The following SVOPL variants were observed in gnomAD, a reference collection of about 807,000 sequenced individuals.
The protein encoded by SVOPL is SVOP like.
In SVOPL, 60 loss-of-function variants were observed where a neutral mutation model predicts 61.0. That is an observed-to-expected ratio of 0.98 (90% confidence interval 0.80 to 1.22). SVOPL has a LOEUF of 1.22. Among genes scored for constraint, SVOPL ranks in the 50% most tolerant of loss-of-function variants. The pLI is 0.00. For synonymous variants in SVOPL, 279 were observed against 250.0 expected, an observed-to-expected ratio of 1.12 and a Z score of -1.09; for missense variants, 662 against 643.9, an observed-to-expected ratio of 1.03 and a Z score of -0.30.
chr7:138,670,089 T>C (rs1354785636), intron 4 of SVOPL, among the ~76,000 whole-genome samples: 1 of 152,188 alleles, frequency 6.6e-6, no homozygotes, highest in Non-Finnish European at 1.5e-5. Flanking sequence ...GCAAAAATTA[T>C]AATAGAAAAA....
At chr7:138,693,564 AGAAAGAAAGAAAAAAG>A (rs1563140855) in intron 1 of SVOPL, among the ~76,000 whole-genome samples, 11 of 91,358 alleles carry the variant, frequency 1.2e-4, no homozygotes, top group African/African-American at 3.0e-4. Flanking sequence ...AAAGAAAGAA[AGAAAGAAAGAAAAAAG>A]GAAAGAAAGA....
intron 6 of SVOPL, among the ~76,000 whole-genome samples, chr7:138,658,603 C>T (rs934480152): frequency 3.3e-5 from 5 of 152,090 alleles, no homozygotes; most frequent in African/African-American, 1.2e-4. Flanking sequence ...TGTTACCTGA[C>T]ACTTGTTAGT....
chr7:138,641,713 T>C (rs1426361676), intron 9 of SVOPL, among the ~76,000 whole-genome samples: 14 of 145,196 alleles, frequency 9.6e-5, no homozygotes, highest in African/African-American at 3.3e-4. Context: ...TTATGAAATA[T>C]ACCCTATTAG....
At chr7:138,642,947 C>T (rs1174424804) in intron 9 of SVOPL, among the ~76,000 whole-genome samples, 8 of 151,646 alleles carry the variant, frequency 5.3e-5, no homozygotes, top group African/African-American at 1.5e-4. Context: ...TAAATTGAAT[C>T]GTAGTTTTTT....
chr7:138,620,386 G>T (rs2116868146), intron 14 of SVOPL, among the ~76,000 whole-genome samples: 1 of 142,708 alleles, frequency 7.0e-6, no homozygotes, highest in East Asian at 2.0e-4. Flanking sequence ...CTCCCAAAGT[G>T]CTGAGATTAT....
chr7:138,622,022 C>G (rs200587191), intron 13 of SVOPL, among the ~76,000 whole-genome samples: 566 of 21,252 alleles, frequency 0.027, 14 homozygotes, highest in Middle Eastern at 0.05. Flanking sequence ...ATCTATGTAT[C>G]TATCTATCTA....
intron 1 of SVOPL, among the ~76,000 whole-genome samples, chr7:138,694,006 T>C (rs79861284): frequency 0.032 from 4,921 of 152,240 alleles, 263 homozygotes; most frequent in African/African-American, 0.11. Flanking sequence ...TAAAGGGAGT[T>C]ATAATTCTTC....
chr7:138,631,404 T>C (rs1332654556), intron 9 of SVOPL, among the ~76,000 whole-genome samples: 1 of 152,142 alleles, frequency 6.6e-6, no homozygotes, highest in African/African-American at 2.4e-5. Context: ...AGCCACTGTT[T>C]TGCTATCAAA....
chr7:138,678,356 T>C, intron 3 of SVOPL, 78 bp downstream of exon 3: 1 of 1,461,446 alleles, frequency 6.8e-7, no homozygotes, highest in Non-Finnish European at 9.2e-7. Context: ...TGGTCACTCA[T>C]ATTTGGCTCA....
At chr7:138,628,128 G>A in intron 11 of SVOPL, 30 bp downstream of exon 11, 1 of 1,613,430 alleles carries the variant, frequency 6.2e-7, no homozygotes, top group Non-Finnish European at 8.5e-7. Context: ...ACCCAAGACA[G>A]AGAGACCCAA....
intron 14 of SVOPL, among the ~76,000 whole-genome samples, chr7:138,602,669 A>G (rs1478816214): frequency 6.6e-6 from 1 of 151,652 alleles, no homozygotes; most frequent in Non-Finnish European, 1.5e-5. Flanking sequence ...CTTTGGTGCC[A>G]GCAGGAGGCT....
rs1799395450 is a variant in SVOPL, at chr7:138,618,400, C to CCTA, written c.1353+2645_1353+2646insTAG. On this transcript the variant is annotated intron_variant, in intron 14 of 15. Transcript: ENST00000674285. The stretch of plus-strand genomic sequence containing the variant: ...AGCAGGCTGGGCACGGTGGCTCACA[C>CCTA]CTGTAATCCCAGCACTTTGGGAGGC... Among the ~76,000 whole-genome samples, 5 of 152,094 alleles carry CCTA rather than the reference C, an allele frequency of 3.3e-5. No homozygotes were observed. In the South Asian group the frequency reaches 1.0e-3, roughly 32 times the overall value.
intron 14 of SVOPL, among the ~76,000 whole-genome samples, chr7:138,615,342 A>T (rs1799243235): frequency 6.6e-6 from 1 of 152,090 alleles, no homozygotes; most frequent in African/African-American, 2.4e-5. Context: ...CAGATCACGA[A>T]GTCAGGAGAT....
chr7:138,641,705 A>G lies in SVOPL; in HGVS notation c.789+3012T>C, dbSNP rs571677086. Reference sequence around the variant, plus strand: ...AAAAAAAAAGATAACCTCAAAATTTATGAAATATACCCTATTAGGCCTATA... The same window carrying G: ...AAAAAAAAAGATAACCTCAAAATTTGTGAAATATACCCTATTAGGCCTATA... On this transcript the variant is annotated intron_variant, in intron 9 of 15. Transcript: ENST00000674285. Among the ~76,000 whole-genome samples the G allele has an allele frequency of 4.5e-4, 67 of 147,506 alleles. No homozygotes were observed. The South Asian group carries it at 5.1e-3, about 11-fold the overall frequency.
chr7:138,676,899 CTT>C (rs1191279496), intron 3 of SVOPL, among the ~76,000 whole-genome samples: 1,687 of 112,864 alleles, frequency 0.015, 43 homozygotes, highest in African/African-American at 0.06. Context: ...CTTGGGGTTC[CTT>C]TTTTTTTTTT....
chr7:138,626,923 T>C lies in SVOPL; in HGVS notation c.1181+427A>G, dbSNP rs764825380. ...TAGTGCAGAGAGCTTGTAGAACAAA[T>C]GATACATATCAGAGCTCAGGCCACT... On this transcript the variant is annotated intron_variant, in intron 12 of 15. Coordinates refer to ENST00000674285, the MANE Select transcript of SVOPL (RefSeq NM_001139456.2). 2.6e-5 allele frequency among the ~76,000 whole-genome samples: 4 copies of C among 151,878 alleles called. 1 individual carries two copies. The South Asian group carries it at 6.2e-4, about 24-fold the overall frequency.
At chr7:138,641,945 A>T (rs1800825332) in intron 9 of SVOPL, among the ~76,000 whole-genome samples, 1 of 150,072 alleles carries the variant, frequency 6.7e-6, no homozygotes, top group Non-Finnish European at 1.5e-5. Context: ...ACACACACAC[A>T]CACACGTACA....
At position 138,693,649 on chromosome 7, in the gene SVOPL, AAAAG is replaced by A. The variant is rs1483815509; in HGVS notation, c.-35+7525_-35+7528del. 4.6e-5 allele frequency among the ~76,000 whole-genome samples: 7 copies of A among 151,366 alleles called. 1 individual carries two copies. Among genetic ancestry groups the A allele is most frequent in the African/African-American group, 9.7e-5 (4 of 41,308 alleles). On this transcript the variant is annotated intron_variant, in intron 1 of 15. Transcript: ENST00000674285. ...AAAGAAGAAAGAAGGGAGGGAGGGA[AAAAG>A]AAAGAGAGAGGGAGGGAGGGAGCGA...
At chr7:138,652,687 C>T (rs1441708206) in intron 7 of SVOPL, among the ~76,000 whole-genome samples, 3 of 151,992 alleles carry the variant, frequency 2.0e-5, no homozygotes, top group African/African-American at 4.8e-5. Flanking sequence ...GCCATCTCAG[C>T]TTGGCTCACT....
Sources: allele counts gnomAD v4.1 joint callset (sites outside exome capture counted in the v4.1 genomes callset), GRCh38; gene constraint gnomAD v4.1.1; transcripts MANE v1.5; gene names NCBI Gene and HGNC (gene_info 2026-07-23, HGNC 2026-07-21).